CCSER1: variants seen among roughly 807,000 people sequenced by gnomAD.
The protein encoded by CCSER1 is serine-rich coiled-coil domain-containing protein 1.
A neutral mutation model predicts 82.0 loss-of-function variants in CCSER1; 41 were observed. The observed-to-expected ratio is 0.50, with a 90% CI of 0.39 to 0.65. CCSER1 has a LOEUF of 0.65. CCSER1 is among the 30% of genes least tolerant of loss of function. CCSER1 has a pLI of 0.00. For synonymous variants in CCSER1, 414 were observed against 383.9 expected, an observed-to-expected ratio of 1.08 and a Z score of -0.92; for missense variants, 1,119 against 1,064.2, an observed-to-expected ratio of 1.05 and a Z score of -0.72.
chr4:90,868,129 G>A (rs1765971776), intron 8 of CCSER1, among the ~76,000 whole-genome samples: 1 of 152,030 alleles, frequency 6.6e-6, no homozygotes, highest in Admixed American at 6.6e-5. Flanking sequence ...GGCATGCAGT[G>A]TATAATAATC....
intron 9 of CCSER1, among the ~76,000 whole-genome samples, chr4:90,998,326 C>T (rs1174263756): frequency 6.6e-6 from 1 of 152,124 alleles, no homozygotes; most frequent in Non-Finnish European, 1.5e-5. Context: ...GTGATCCACC[C>T]TCCTCGGCCT....
At chr4:90,807,895 A>G (rs1304101032) in intron 7 of CCSER1, among the ~76,000 whole-genome samples, 1 of 152,116 alleles carries the variant, frequency 6.6e-6, no homozygotes, top group Admixed American at 6.6e-5. Flanking sequence ...AGGAAAAAAA[A>G]ATTTTAAAAC....
intron 1 of CCSER1, among the ~76,000 whole-genome samples, chr4:90,245,302 G>A (rs1316799106): frequency 1.3e-5 from 2 of 152,120 alleles, no homozygotes; most frequent in Non-Finnish European, 2.9e-5. Context: ...GGCTAAATAT[G>A]TCCAATGCTT....
intron 5 of CCSER1, among the ~76,000 whole-genome samples, chr4:90,618,397 A>AT (rs1159907292): frequency 6.6e-6 from 1 of 151,972 alleles, no homozygotes; most frequent in African/African-American, 2.4e-5. Flanking sequence ...TATAACACAA[A>AT]TTATCAGAAG....
chr4:90,491,287 A>G (rs559579155), intron 5 of CCSER1, among the ~76,000 whole-genome samples: 1 of 152,206 alleles, frequency 6.6e-6, no homozygotes, highest in East Asian at 1.9e-4. Context: ...GCAATTGTGA[A>G]TGGGAGTTCA....
chr4:91,438,357 T>C (rs1754830781), intron 10 of CCSER1, among the ~76,000 whole-genome samples: 3 of 152,172 alleles, frequency 2.0e-5, no homozygotes. Context: ...ACCACTGCTG[T>C]CACCCAGGCA....
intron 1 of CCSER1, among the ~76,000 whole-genome samples, chr4:90,187,013 A>G (rs1259840059): frequency 2.0e-5 from 3 of 151,992 alleles, no homozygotes; most frequent in Non-Finnish European, 4.4e-5. Flanking sequence ...AATGACTGCT[A>G]ATAGATTAAT....
At chr4:91,416,136 G>A (rs1753348361) in intron 10 of CCSER1, among the ~76,000 whole-genome samples, 3 of 151,716 alleles carry the variant, frequency 2.0e-5, no homozygotes, top group Non-Finnish European at 4.4e-5. Context: ...TAGGAATACA[G>A]GTAACAAGGG....
In CCSER1 at chr4:91,401,302, A is replaced by G. The variant is rs545064056; in HGVS notation, c.2218-197270A>G. On this transcript the variant is annotated intron_variant, in intron 10 of 10. Coordinates refer to ENST00000509176, the MANE Select transcript of CCSER1 (RefSeq NM_001145065.2). ...TACATAGATATACTATATAGTATAT[A>G]CTATACAATATAGATATACTGTATA... 1.4e-4 allele frequency among the ~76,000 whole-genome samples: 21 copies of G among 148,568 alleles called. No homozygotes were observed. The South Asian group carries it at 4.4e-3, about 31-fold the overall frequency.
intron 1 of CCSER1, among the ~76,000 whole-genome samples, chr4:90,304,891 T>G (rs1733951041): frequency 6.6e-6 from 1 of 152,026 alleles, no homozygotes. Context: ...TGGGACTGAC[T>G]CTTTCATTTA....
intron 10 of CCSER1, among the ~76,000 whole-genome samples, chr4:91,478,591 T>C (rs1219471484): frequency 2.0e-5 from 3 of 151,908 alleles, no homozygotes; most frequent in Non-Finnish European, 2.9e-5. Flanking sequence ...ATGCCAAAGC[T>C]AGACATCAGA....
intron 7 of CCSER1, among the ~76,000 whole-genome samples, chr4:90,768,687 T>C (rs1171710287): frequency 6.6e-6 from 1 of 152,222 alleles, no homozygotes; most frequent in Non-Finnish European, 1.5e-5. Flanking sequence ...GGAGGAAAGA[T>C]AATCCTTGTT....
chr4:90,204,789 G>A (rs564590719), intron 1 of CCSER1, among the ~76,000 whole-genome samples: 1 of 152,282 alleles, frequency 6.6e-6, no homozygotes, highest in East Asian at 1.9e-4. Context: ...TGAGCAGTAT[G>A]GCCATTTTCA....
At chr4:90,420,567 CCTAT>C (rs33967903) in intron 4 of CCSER1, among the ~76,000 whole-genome samples, 10,563 of 152,002 alleles carry the variant, frequency 0.069, 547 homozygotes, top group African/African-American at 0.14. Context: ...AGTGCTTCTG[CCTAT>C]CTATTTTGCC....
At chr4:90,352,541 A>C (rs1471550409) in intron 3 of CCSER1, among the ~76,000 whole-genome samples, 1 of 151,400 alleles carries the variant, frequency 6.6e-6, no homozygotes, top group African/African-American at 2.4e-5. Flanking sequence ...AGGTGCCTGT[A>C]ATCCCAGCTA....
At chr4:91,206,420 G>T (rs1736348984) in intron 10 of CCSER1, among the ~76,000 whole-genome samples, 1 of 151,906 alleles carries the variant, frequency 6.6e-6, no homozygotes, top group Non-Finnish European at 1.5e-5. Context: ...TTTGGAGATG[G>T]GGTTTTTGTA....
At chr4:90,326,536 A>G (rs1392770521) in intron 3 of CCSER1, among the ~76,000 whole-genome samples, 2 of 152,106 alleles carry the variant, frequency 1.3e-5, no homozygotes, top group African/African-American at 4.8e-5. Flanking sequence ...AAAACAGACT[A>G]CCTACTAATT....
At chr4:91,370,289 G>T (rs1399718127) in intron 10 of CCSER1, among the ~76,000 whole-genome samples, 1 of 152,100 alleles carries the variant, frequency 6.6e-6, no homozygotes, top group African/African-American at 2.4e-5. Context: ...GAACTATCAT[G>T]AAATAAAACT....
intron 6 of CCSER1, among the ~76,000 whole-genome samples, chr4:90,635,331 T>G (rs908453481): frequency 2.6e-4 from 39 of 151,752 alleles, no homozygotes; most frequent in African/African-American, 8.9e-4. Flanking sequence ...TAAGTCCCAT[T>G]AAATTTAAAA....
Sources: gnomAD v4.1 joint callset for allele counts (sites outside exome capture counted in the v4.1 genomes callset) on GRCh38, gnomAD v4.1.1 for gene constraint, MANE v1.5 for transcripts, NCBI Gene and HGNC (gene_info 2026-07-23, HGNC 2026-07-21) for gene names.